Variants in CCDC148 observed in about 807,000 individuals in gnomAD.
CCDC148 encodes the protein coiled-coil domain containing 148, also known as coiled-coil domain-containing protein 148.
CCDC148 carries 89 observed loss-of-function variants against 85.7 expected under a neutral mutation model. That is an observed-to-expected ratio of 1.04 (90% CI 0.87 to 1.24). CCDC148 has a LOEUF of 1.24. Ranked by LOEUF, CCDC148 falls within the 50% of genes most tolerant of loss-of-function variation. The pLI is 0.00. For synonymous variants in CCDC148, 230 were observed against 213.9 expected (o/e 1.08, Z -0.66); for missense variants, 692 against 671.7 (o/e 1.03, Z -0.33).
intron 7 of CCDC148, among the ~76,000 whole-genome samples, chr2:158,335,791 C>A (rs752219891): frequency 6.6e-6 from 1 of 152,092 alleles, no homozygotes; most frequent in Non-Finnish European, 1.5e-5. Context: ...TTCACCTAAT[C>A]CTCTCCTGAG....
chr2:158,341,744 GATT>G (rs1025074071), intron 3 of CCDC148, among the ~76,000 whole-genome samples: 3 of 151,896 alleles, frequency 2.0e-5, no homozygotes, highest in Non-Finnish European at 2.9e-5. Flanking sequence ...AGAGTTTTAT[GATT>G]ATTACAGTAT....
intron 1 of CCDC148, among the ~76,000 whole-genome samples, chr2:158,372,843 C>G (rs1025575391): frequency 6.6e-6 from 1 of 152,006 alleles, no homozygotes; most frequent in Non-Finnish European, 1.5e-5. Context: ...CCTTCATTAC[C>G]TATTACCTTA....
chr2:158,366,581 C>G (rs1357650014), intron 1 of CCDC148, among the ~76,000 whole-genome samples: 1 of 152,164 alleles, frequency 6.6e-6, no homozygotes, highest in African/African-American at 2.4e-5. Flanking sequence ...AGAGCCTCGT[C>G]CAAAGGCATA....
intron 11 of CCDC148, among the ~76,000 whole-genome samples, 170 bp from the exon 12 acceptor site, chr2:158,179,166 A>ATTTT (rs10699879): frequency 0.035 from 2,886 of 82,476 alleles, 347 homozygotes; most frequent in Middle Eastern, 0.064. Context: ...ATAAAATGCA[A>ATTTT]TTTTTTTTTT....
In CCDC148 at chr2:158,309,520, A is replaced by C. The variant is rs764177985; in HGVS notation, c.1023T>G (p.Thr341=). 1.7e-5 allele frequency: 28 copies of C among 1,613,878 alleles called. No individual in the cohort carries two copies. Among genetic ancestry groups the C allele is most frequent in the Non-Finnish European group, 2.3e-5 (27 of 1,179,880 alleles). ...DFIQKAVLTL[T]EACATHEMES... ...CCATTTCATGTGTTGCACAAGCCTC[A>C]GTGAGTGTCAGCACAGCCTTCTGTA... The change falls in exon 9 of 14, where the codon ACT becomes ACG. Residue 341 remains threonine, a synonymous_variant. Transcript: ENST00000283233.
intron 1 of CCDC148, 94 bp from the exon 2 acceptor site, chr2:158,358,664 T>C: frequency 1.6e-6 from 1 of 628,208 alleles, no homozygotes; most frequent in South Asian, 3.7e-5. Context: ...CTTCAGATCT[T>C]ATTTTTAAAT....
At chr2:158,323,174 CA>C (rs2105222708) in intron 7 of CCDC148, among the ~76,000 whole-genome samples, 1 of 152,232 alleles carries the variant, frequency 6.6e-6, no homozygotes, top group Non-Finnish European at 1.5e-5. Flanking sequence ...AAATGTGTTT[CA>C]GTAAAAGAGA....
chr2:158,305,617 A>G (rs1242142802), intron 9 of CCDC148, among the ~76,000 whole-genome samples: 1 of 152,010 alleles, frequency 6.6e-6, no homozygotes, highest in Non-Finnish European at 1.5e-5. Context: ...AGCCAGGCAT[A>G]GTGGTGCATG....
intron 10 of CCDC148, among the ~76,000 whole-genome samples, chr2:158,245,154 A>C (rs1382393422): frequency 1.3e-5 from 2 of 152,166 alleles, no homozygotes; most frequent in African/African-American, 4.8e-5. Context: ...GAATGGTTAC[A>C]GTCCTTTAAC....
At chr2:158,414,501 G>C (rs577519623) in intron 1 of CCDC148, among the ~76,000 whole-genome samples, 14 of 152,178 alleles carry the variant, frequency 9.2e-5, no homozygotes, top group South Asian at 8.3e-4. Flanking sequence ...CAAGAATAAT[G>C]TGTGCTCCAC....
chr2:158,370,222 T>C (rs940718583), intron 1 of CCDC148, among the ~76,000 whole-genome samples: 1 of 152,114 alleles, frequency 6.6e-6, no homozygotes, highest in Non-Finnish European at 1.5e-5. Flanking sequence ...CAGCAAACCA[T>C]ACGTGCAGCA....
At chr2:158,423,301 G>A (rs1686898129) in intron 1 of CCDC148, among the ~76,000 whole-genome samples, 1 of 152,126 alleles carries the variant, frequency 6.6e-6, no homozygotes, top group South Asian at 2.1e-4. Context: ...GAACAAAGCT[G>A]GAGGCATCAT....
intron 9 of CCDC148, among the ~76,000 whole-genome samples, chr2:158,296,270 C>T (rs1691183772): frequency 6.6e-6 from 1 of 152,204 alleles, no homozygotes; most frequent in African/African-American, 2.4e-5. Flanking sequence ...TGTATTAAGG[C>T]TCACTTATTT....
intron 9 of CCDC148, among the ~76,000 whole-genome samples, chr2:158,275,215 T>C (rs1019482288): frequency 6.6e-6 from 1 of 152,226 alleles, no homozygotes; most frequent in South Asian, 2.1e-4. Context: ...CAAATGCCAA[T>C]GAGCTGTGTA....
intron 1 of CCDC148, among the ~76,000 whole-genome samples, chr2:158,450,350 T>A (rs1688355910): frequency 6.6e-6 from 1 of 152,218 alleles, no homozygotes; most frequent in South Asian, 2.1e-4. Flanking sequence ...CCCTCTACTG[T>A]GGTGATCATT....
intron 1 of CCDC148, among the ~76,000 whole-genome samples, chr2:158,397,955 A>T (rs889759652): frequency 2.0e-5 from 3 of 152,166 alleles, no homozygotes; most frequent in African/African-American, 7.2e-5. Flanking sequence ...ACAAACAAAC[A>T]AGAAAAGCAA....
intron 11 of CCDC148, among the ~76,000 whole-genome samples, chr2:158,210,787 CAAAAAAAAA>C (rs34273946): frequency 4.5e-5 from 4 of 89,484 alleles, no homozygotes; most frequent in African/African-American, 4.9e-5. Context: ...ACTAAAAATA[CAAAAAAAAA>C]AAAAAAAAAA....
intron 11 of CCDC148, among the ~76,000 whole-genome samples, chr2:158,203,796 G>A (rs765249355): frequency 7.2e-5 from 11 of 152,150 alleles, no homozygotes; most frequent in Admixed American, 1.3e-4. Flanking sequence ...TATGTACCTA[G>A]GATGTATGAA....
chr2:158,225,397 G>A (rs549657974), intron 10 of CCDC148, among the ~76,000 whole-genome samples: 31 of 152,160 alleles, frequency 2.0e-4, no homozygotes, highest in African/African-American at 5.5e-4. Flanking sequence ...ACAGATCAAC[G>A]AGACAGAAAG....
Sources: gnomAD v4.1 joint callset for allele counts (sites outside exome capture counted in the v4.1 genomes callset) on GRCh38, gnomAD v4.1.1 for gene constraint, MANE v1.5 for transcripts, NCBI Gene and HGNC (gene_info 2026-07-23, HGNC 2026-07-21) for gene names.